The following ABCC1 variants were observed in gnomAD, a reference collection of about 807,000 sequenced individuals.
ABCC1 encodes multidrug resistance-associated protein 1.
Under a neutral mutation model 172.9 loss-of-function variants are expected in ABCC1, and 83 were observed. The observed-to-expected ratio is 0.48, with a 90% confidence interval of 0.40 to 0.58. The LOEUF is 0.58. Among genes scored for constraint, ABCC1 ranks in the 20% least tolerant of loss-of-function variants. The pLI, the probability that ABCC1 is intolerant of heterozygous loss-of-function variation, is 0.00. For synonymous variants in ABCC1, 937 were observed against 825.2 expected (o/e 1.14, Z -2.32); for missense variants, 1,817 against 2,002.7 (o/e 0.91, Z 1.77).
intron 1 of ABCC1, among the ~76,000 whole-genome samples, chr16:15,963,738 GC>G (rs772859977): frequency 1.4e-4 from 21 of 152,154 alleles, no homozygotes; most frequent in Non-Finnish European, 2.2e-4. Flanking sequence ...CATCAGGGGG[GC>G]CCTGGACCCA....
At position 16,038,935 on chromosome 16, in the gene ABCC1, A is replaced by G. The variant is rs185449982; in HGVS notation, c.809+2332A>G. The stretch of plus-strand genomic sequence containing the variant: ...CCAATATCACAGCCTTGGGAGGAGG[A>G]CAGAGTTTGAATCCAGAAGCTCCTC... On this transcript the variant is annotated intron_variant, in intron 7 of 30. Transcript: ENST00000399410. Among the ~76,000 whole-genome samples the G allele has an allele frequency of 2.6e-5, 4 of 152,076 alleles. No homozygotes were observed. In the East Asian group the frequency reaches 7.7e-4, roughly 29 times the overall value.
chr16:16,016,146 T>C (rs1255646695), intron 4 of ABCC1, among the ~76,000 whole-genome samples: 12 of 119,682 alleles, frequency 1.0e-4, no homozygotes, highest in Non-Finnish European at 1.5e-4. Context: ...GAATGTGATC[T>C]TGGTTTTTTT....
intron 1 of ABCC1, among the ~76,000 whole-genome samples, chr16:15,998,742 G>C (rs575171792): frequency 1.3e-5 from 2 of 152,092 alleles, no homozygotes; most frequent in Non-Finnish European, 2.9e-5. Context: ...CTGGAGTTCC[G>C]GTGTCCTTAA....
At chr16:16,056,010 A>T (rs1303031748) in intron 11 of ABCC1, 82 bp from the exon 12 acceptor site, 5 of 1,239,842 alleles carry the variant, frequency 4.0e-6, no homozygotes, top group Non-Finnish European at 4.6e-6. Flanking sequence ...AATAAAGTTT[A>T]TGAGAAAAAT....
At chr16:16,060,699 T>G (rs191716126) in intron 12 of ABCC1, among the ~76,000 whole-genome samples, 1 of 152,068 alleles carries the variant, frequency 6.6e-6, no homozygotes, top group Admixed American at 6.5e-5. Context: ...TTTTAATATT[T>G]TTAGTAGAGA....
intron 28 of ABCC1, among the ~76,000 whole-genome samples, 165 bp from the exon 29 acceptor site, chr16:16,136,313 C>T (rs1426596854): frequency 6.6e-6 from 1 of 152,122 alleles, no homozygotes; most frequent in East Asian, 1.9e-4. Flanking sequence ...CGTGAACCAC[C>T]GTACCTGGCC....
At chr16:16,028,349 C>A (rs1358448442) in intron 5 of ABCC1, among the ~76,000 whole-genome samples, 1 of 152,274 alleles carries the variant, frequency 6.6e-6, no homozygotes, top group African/African-American at 2.4e-5. Context: ...CTCGCTGTCT[C>A]GTTTGCAGCT....
At chr16:15,979,085 C>T (rs1197053217) in intron 1 of ABCC1, among the ~76,000 whole-genome samples, 1 of 152,038 alleles carries the variant, frequency 6.6e-6, no homozygotes, top group Non-Finnish European at 1.5e-5. Context: ...GAGGTCAAGA[C>T]ATCGAGACCA....
intron 23 of ABCC1, 24 bp downstream of exon 23, chr16:16,115,100 C>T (rs758688192): frequency 4.4e-6 from 7 of 1,606,188 alleles, no homozygotes; most frequent in Admixed American, 3.3e-5. Flanking sequence ...TCTTAGTGTT[C>T]GGGACAAGCC....
chr16:16,061,771 TC>T (rs376727547), intron 12 of ABCC1, among the ~76,000 whole-genome samples: 4 of 145,260 alleles, frequency 2.8e-5, no homozygotes, highest in Non-Finnish European at 4.4e-5. Context: ...TTTCTTTTTT[TC>T]TTTTTTTTTT....
intron 29 of ABCC1, among the ~76,000 whole-genome samples, chr16:16,136,943 T>C (rs901470123): frequency 1.3e-5 from 2 of 152,160 alleles, no homozygotes; most frequent in Non-Finnish European, 1.5e-5. Context: ...CTGTACCAGT[T>C]GGTCACTAGC....
intron 26 of ABCC1, among the ~76,000 whole-genome samples, chr16:16,131,079 C>T (rs1431947648): frequency 6.6e-6 from 1 of 152,090 alleles, no homozygotes; most frequent in African/African-American, 2.4e-5. Flanking sequence ...TGAGATCATG[C>T]CATTGCACTC....
chr16:16,018,474 G>T (rs1001405813), intron 5 of ABCC1, among the ~76,000 whole-genome samples: 1 of 152,088 alleles, frequency 6.6e-6, no homozygotes, highest in Non-Finnish European at 1.5e-5. Flanking sequence ...TCTTGACCCT[G>T]GGAGGCGGAG....
In ABCC1 at chr16:16,125,797, C is replaced by G; in HGVS notation, c.3718-13C>G. ...CTTACTCTAGAAATGCCACGTGACT[C>G]TTCCACTCACAGGTCACCACGTACT... On this transcript the variant is annotated splice_polypyrimidine_tract_variant and intron_variant, in intron 25 of 30. Transcript: ENST00000399410. 1 of 1,600,200 alleles carries G rather than the reference C, an allele frequency of 6.2e-7. No individual in the cohort carries two copies. The highest frequency in any genetic ancestry group is 1.3e-5 in the African/African-American group (1 of 74,474).
chr16:16,077,242 C>T (rs988343320), intron 15 of ABCC1, among the ~76,000 whole-genome samples: 6 of 152,162 alleles, frequency 3.9e-5, no homozygotes, highest in African/African-American at 1.4e-4. Context: ...AGCCAAATCA[C>T]TGCTGTATTT....
At chr16:16,064,056 T>C (rs772285305) in intron 12 of ABCC1, among the ~76,000 whole-genome samples, 1 of 152,126 alleles carries the variant, frequency 6.6e-6, no homozygotes, top group Non-Finnish European at 1.5e-5. Context: ...GAAAATTGCA[T>C]GTTGCCATAA....
chr16:16,009,538 G>A (rs747541145), intron 2 of ABCC1, among the ~76,000 whole-genome samples: 3 of 152,140 alleles, frequency 2.0e-5, no homozygotes, highest in African/African-American at 4.8e-5. Flanking sequence ...AAACAGTCCT[G>A]TTGGAGGTAG....
intron 19 of ABCC1, among the ~76,000 whole-genome samples, chr16:16,102,094 T>C (rs1463763243): frequency 6.6e-6 from 1 of 152,192 alleles, no homozygotes; most frequent in East Asian, 1.9e-4. Context: ...CCCTGAACTC[T>C]TGGGACCTCT....
intron 26 of ABCC1, among the ~76,000 whole-genome samples, chr16:16,129,589 G>A (rs1185874663): frequency 6.6e-6 from 1 of 150,960 alleles, no homozygotes; most frequent in Non-Finnish European, 1.5e-5. Context: ...CCAGACTGGA[G>A]TGTAGTGGTT....
Sources: allele counts gnomAD v4.1 joint callset (sites outside exome capture counted in the v4.1 genomes callset), GRCh38; gene constraint gnomAD v4.1.1; transcripts MANE v1.5; gene names NCBI Gene and HGNC (gene_info 2026-07-23, HGNC 2026-07-21).